The following GALNT18 variants were observed in gnomAD, a reference collection of about 807,000 sequenced individuals.
GALNT18 encodes the protein GalNAc-transferase 18.
GALNT18 carries 44 observed loss-of-function variants against 69.5 expected under a neutral mutation model. That is an observed-to-expected ratio of 0.63 (90% CI 0.50 to 0.81). GALNT18 has a LOEUF of 0.81. Ranked by LOEUF, GALNT18 falls within the 40% of genes least tolerant of loss-of-function variation. The pLI, the probability that GALNT18 is intolerant of heterozygous loss-of-function variation, is 0.00. For missense variants in GALNT18, 715 were observed against 810.0 expected (o/e 0.88, Z 1.42); for synonymous variants, 364 against 318.2 (o/e 1.14, Z -1.53).
At chr11:11,367,160 A>G (rs887917878) in intron 6 of GALNT18, among the ~76,000 whole-genome samples, 6 of 152,180 alleles carry the variant, frequency 3.9e-5, no homozygotes, top group Admixed American at 2.0e-4. Context: ...TTCTACTCCC[A>G]ATCAGATCTT....
At chr11:11,485,451 C>A (rs1037967413) in intron 1 of GALNT18, among the ~76,000 whole-genome samples, 2 of 152,140 alleles carry the variant, frequency 1.3e-5, no homozygotes, top group Non-Finnish European at 2.9e-5. Context: ...GATAAACAGC[C>A]AGATGGAAGA....
At chr11:11,351,758 TTTC>T (rs1203269692) in intron 6 of GALNT18, among the ~76,000 whole-genome samples, 1 of 14,096 alleles carries the variant, frequency 7.1e-5, no homozygotes, top group Non-Finnish European at 3.0e-4. Flanking sequence ...GGGGAGCAAT[TTTC>T]TTTTTTTTTT....
chr11:11,477,428 A>G (rs904880516), intron 1 of GALNT18, among the ~76,000 whole-genome samples: 4 of 152,212 alleles, frequency 2.6e-5, no homozygotes, highest in Non-Finnish European at 5.9e-5. Context: ...TAGAAGAGTC[A>G]TCTTAAATAT....
intron 1 of GALNT18, among the ~76,000 whole-genome samples, chr11:11,506,939 C>T (rs1857079430): frequency 6.6e-6 from 1 of 152,090 alleles, no homozygotes; most frequent in Non-Finnish European, 1.5e-5. Context: ...CAGTAGATGC[C>T]CCAGACAAGA....
rs969649277 is a variant in GALNT18 at position 11,494,009 on chromosome 11, G to T, written c.236-45073C>A. Among the ~76,000 whole-genome samples the T allele has an allele frequency of 6.6e-6, 1 of 151,998 alleles. No homozygotes were observed. The highest frequency in any genetic ancestry group is 2.4e-5 in the African/African-American group (1 of 41,300). ...AGGAGCACACATTACCTAAGCCATC[G>T]GTGCCTCTGTTTTCTCATCTATAAA... On this transcript the variant is annotated intron_variant, in intron 1 of 10. Coordinates refer to ENST00000227756, the MANE Select transcript of GALNT18 (RefSeq NM_198516.3). The surrounding 1 kb of genome is among the most constrained non-coding windows in gnomAD (Gnocchi z 5.7).
rs1405257931 is a variant in GALNT18 at position 11,538,452 on chromosome 11, A to C, written c.235+82907T>G. 6.6e-6 allele frequency among the ~76,000 whole-genome samples: 1 copy of C among 152,228 alleles called. No homozygotes were observed. Among genetic ancestry groups the C allele is most frequent in the Non-Finnish European group, 1.5e-5 (1 of 68,038 alleles). ...CCAGCCAACATGCTGGGCTGACTCC[A>C]GCTCCCAGAGGCCTGGGCCTGCAGG... On this transcript the variant is annotated intron_variant, in intron 1 of 10. Transcript: ENST00000227756. The surrounding 1 kb of genome is among the most constrained non-coding windows in gnomAD (Gnocchi z 5.2).
At chr11:11,501,433 T>C (rs778547051) in intron 1 of GALNT18, among the ~76,000 whole-genome samples, 2 of 152,226 alleles carry the variant, frequency 1.3e-5, no homozygotes, top group Non-Finnish European at 2.9e-5. Flanking sequence ...GTTAATATTA[T>C]TCCATTATTC....
At chr11:11,536,603 CCCG>C (rs144767238) in intron 1 of GALNT18, among the ~76,000 whole-genome samples, 2,867 of 152,112 alleles carry the variant, frequency 0.019, 104 homozygotes, top group African/African-American at 0.066. Context: ...GTCGATGAAA[CCCG>C]CCAAGACCTT....
At position 11,377,740 on chromosome 11, in the gene GALNT18, G is replaced by T. The variant is rs1474731374; in HGVS notation, c.780-361C>A. On this transcript the variant is annotated intron_variant, in intron 4 of 10. Transcript: ENST00000227756. This position sits in a 1 kb window ranked among gnomAD's most constrained non-coding sequence, Gnocchi z 4.6. ...AAACAGATCTGAGGCTCCAGAAAAA[G>T]CTTTCACCTTGGGCTTTGATTTTGC... Among the ~76,000 whole-genome samples, 1 of 152,082 alleles carries T rather than the reference G, an allele frequency of 6.6e-6. No homozygotes were observed. The highest frequency in any genetic ancestry group is 1.5e-5 in the Non-Finnish European group (1 of 68,016).
chr11:11,343,460 A>G (rs935208621), intron 6 of GALNT18, among the ~76,000 whole-genome samples: 23 of 152,208 alleles, frequency 1.5e-4, no homozygotes, highest in South Asian at 2.1e-4. Flanking sequence ...AAGAAACTCA[A>G]CGAAGAGCCA....
chr11:11,281,911 G>C (rs1849084156), intron 10 of GALNT18, among the ~76,000 whole-genome samples: 1 of 152,002 alleles, frequency 6.6e-6, no homozygotes, highest in African/African-American at 2.4e-5. Flanking sequence ...CCTCCCTGGA[G>C]GCTGGGAGGG....
rs1849740571 is a variant in GALNT18 at position 11,315,753 on chromosome 11, C to T, written c.1512+11333G>A. On this transcript the variant is annotated intron_variant, in intron 9 of 10. Transcript: ENST00000227756. The surrounding 1 kb of genome is among the most constrained non-coding windows in gnomAD (Gnocchi z 5.6). ...GGTTAGAAAGATCAGATCACTTGCC[C>T]CCGTCATACATGTGGTACGGGCAGA... 6.6e-6 allele frequency among the ~76,000 whole-genome samples: 1 copy of T among 152,048 alleles called. No homozygotes were observed. The highest frequency in any genetic ancestry group is 2.1e-4 in the South Asian group (1 of 4,816).
rs1856840338 is a variant in GALNT18 at position 11,494,878 on chromosome 11, A to G, written c.236-45942T>C. ...AACCATGATCATCTGGGAGTGTTGC[A>G]AATCAGATGCCAAATTCCACCAAAG... On this transcript the variant is annotated intron_variant, in intron 1 of 10. Coordinates refer to ENST00000227756, the MANE Select transcript of GALNT18 (RefSeq NM_198516.3). This position sits in a 1 kb window ranked among gnomAD's most constrained non-coding sequence, Gnocchi z 5.7. Among the ~76,000 whole-genome samples the G allele has an allele frequency of 6.6e-6, 1 of 152,190 alleles. No individual in the cohort carries two copies. Among genetic ancestry groups the G allele is most frequent in the African/African-American group, 2.4e-5 (1 of 41,440 alleles).
chr11:11,551,454 G>A (rs978805201), intron 1 of GALNT18, among the ~76,000 whole-genome samples: 8 of 152,120 alleles, frequency 5.3e-5, no homozygotes, highest in South Asian at 2.1e-4. Context: ...GTCATGGAGC[G>A]GAAACAGATT....
At chr11:11,489,810 G>T (rs1432983734) in intron 1 of GALNT18, among the ~76,000 whole-genome samples, 4 of 152,188 alleles carry the variant, frequency 2.6e-5, no homozygotes, top group African/African-American at 9.6e-5. Flanking sequence ...ATGTTATCCT[G>T]TTTTACAAAT....
chr11:11,380,879 T>C (rs1023433710), intron 3 of GALNT18, among the ~76,000 whole-genome samples: 3 of 152,240 alleles, frequency 2.0e-5, no homozygotes, highest in African/African-American at 7.2e-5. Flanking sequence ...TCTGCAAAAG[T>C]GATGAGCATA....
intron 5 of GALNT18, among the ~76,000 whole-genome samples, chr11:11,376,200 A>G (rs1230082864): frequency 6.6e-6 from 1 of 152,068 alleles, no homozygotes; most frequent in Non-Finnish European, 1.5e-5. Context: ...GGCCAACATG[A>G]TGAAACCCTG....
At position 11,590,003 on chromosome 11, in the gene GALNT18, T is replaced by C. The variant is rs1368880699; in HGVS notation, c.235+31356A>G. ...TCTGAGGTTACACAGACCTAGGTCCTACTCCTGGCTCTGCCACTTGCTACC... is the reference window on the plus strand; with the variant it reads ...TCTGAGGTTACACAGACCTAGGTCCCACTCCTGGCTCTGCCACTTGCTACC... On this transcript the variant is annotated intron_variant, in intron 1 of 10. Transcript: ENST00000227756. This position sits in a 1 kb window ranked among gnomAD's most constrained non-coding sequence, Gnocchi z 4.4. 1.3e-5 allele frequency among the ~76,000 whole-genome samples: 2 copies of C among 152,230 alleles called. No individual in the cohort carries two copies. The highest frequency in any genetic ancestry group is 4.8e-5 in the African/African-American group (2 of 41,464).
rs1859253822 is a variant in GALNT18, at chr11:11,587,441, ATC to A, written c.235+33916_235+33917del. Among the ~76,000 whole-genome samples, 2 of 152,324 alleles carry A rather than the reference ATC, an allele frequency of 1.3e-5. No homozygotes were observed. The highest frequency in any genetic ancestry group is 4.1e-4 in the South Asian group (2 of 4,826). ...TACACACCAAATCAGTGAAGACTGCATCCCAGCTTTTCTGCAGGTTGCTAATG... is the reference window on the plus strand; with the variant it reads ...TACACACCAAATCAGTGAAGACTGCACCAGCTTTTCTGCAGGTTGCTAATG... On this transcript the variant is annotated intron_variant, in intron 1 of 10. Transcript: ENST00000227756. This position sits in a 1 kb window ranked among gnomAD's most constrained non-coding sequence, Gnocchi z 4.4.
Sources: allele counts gnomAD v4.1 joint callset (sites outside exome capture counted in the v4.1 genomes callset), GRCh38; gene constraint gnomAD v4.1.1; non-coding constraint Gnocchi (gnomAD v3.1); transcripts MANE v1.5; gene names NCBI Gene and HGNC (gene_info 2026-07-23, HGNC 2026-07-21).